SNRNP70: variants seen among roughly 807,000 people sequenced by gnomAD.
SNRNP70 encodes U1 small nuclear ribonucleoprotein 70 kDa.
Under a neutral mutation model 50.5 loss-of-function variants are expected in SNRNP70, and 8 were observed. The observed-to-expected ratio is 0.16, with a 90% confidence interval of 0.09 to 0.29. SNRNP70 has a LOEUF of 0.29. SNRNP70 is among the 10% of genes least tolerant of loss of function. The probability of loss-of-function intolerance (pLI) is 1.00; values close to 1 mark genes in which losing one functional copy is unlikely to be tolerated. For missense variants in SNRNP70, 529 were observed against 663.5 expected, an observed-to-expected ratio of 0.80 and a Z score of 2.23; for synonymous variants, 320 against 252.9, an observed-to-expected ratio of 1.27 and a Z score of -2.52.
In SNRNP70 at chr19:49,104,802, C is replaced by T; in HGVS notation, c.577+67C>T. On this transcript the variant is annotated intron_variant, in intron 8 of 9. Transcript: ENST00000598441. The surrounding 1 kb of genome is among the most constrained non-coding windows in gnomAD (Gnocchi z 5.4). ...GCCTGGTGGCCTTGTTCTCCCTTCT[C>T]TGCTGCTTTCTGCTTCTCTGTCTCC... The T allele has an allele frequency of 1.1e-6, 1 of 924,274 alleles. No homozygotes were observed. Among genetic ancestry groups the T allele is most frequent in the Non-Finnish European group, 1.6e-6 (1 of 627,794 alleles). 57.3% of individuals were successfully genotyped at this position (924,274 alleles called of 1,614,324 possible).
chr19:49,107,988 G>T lies in SNRNP70; in HGVS notation c.859G>T (p.Asp287Tyr). Residue 287 changes from aspartate (D) to tyrosine (Y), a missense_variant, in exon 10 of 10, where the codon GAC (aspartate) becomes TAC (tyrosine). Physicochemically the swap from Asp to Tyr is radical, Grantham distance 160 (BLOSUM62 -3). Transcript: ENST00000598441. The surrounding 1 kb of genome is among the most constrained non-coding windows in gnomAD (Gnocchi z 6.0). ...GGAGCGGAGCAAGGACAAGGACCGGGACCGGAAGCGGCGAAGCAGCCGGAG... is the reference window on the plus strand; with the variant it reads ...GGAGCGGAGCAAGGACAAGGACCGGTACCGGAAGCGGCGAAGCAGCCGGAG... Reference protein sequence around the residue: ...SRERSKDKDRDRKRRSSRSRE... With the variant: ...SRERSKDKDRYRKRRSSRSRE... 1.3e-6 allele frequency: 2 copies of T among 1,547,966 alleles called. No homozygotes were observed. Among genetic ancestry groups the T allele is most frequent in the East Asian group, 2.4e-5 (1 of 40,932 alleles).
chr19:49,106,080 T>C (rs199695367), intron 8 of SNRNP70, among the ~76,000 whole-genome samples: 2 of 152,274 alleles, frequency 1.3e-5, no homozygotes, highest in East Asian at 3.9e-4. Flanking sequence ...CTGTCCTGCC[T>C]CCCAGCCCTG....
chr19:49,108,071 C>A lies in SNRNP70; in HGVS notation c.942C>A (p.Gly314=). 1.3e-6 allele frequency: 2 copies of A among 1,553,036 alleles called. No homozygotes were observed. Among genetic ancestry groups the A allele is most frequent in the Non-Finnish European group, 1.7e-6 (2 of 1,149,630 alleles). ...ERKEELRGGG[G]DMAEPSEAGD... is the part of the protein sequence containing the mutation. ...AGGAGGAGCTGCGTGGCGGCGGTGG[C>A]GACATGGCGGAGCCCTCCGAGGCGG... The change falls in exon 10 of 10, where the codon GGC becomes GGA. Residue 314 remains glycine (G), a synonymous_variant. Coordinates refer to ENST00000598441, the MANE Select transcript of SNRNP70 (RefSeq NM_003089.6).
intron 4 of SNRNP70, among the ~76,000 whole-genome samples, chr19:49,091,372 T>TA (rs112471768): frequency 0.011 from 1,550 of 144,176 alleles, 22 homozygotes; most frequent in African/African-American, 0.036. Flanking sequence ...AAATCTGTCT[T>TA]AAAAAAAAAA....
At chr19:49,102,529 C>T (rs1029372117) in intron 7 of SNRNP70, 6 of 209,176 alleles carry the variant, frequency 2.9e-5, no homozygotes, top group Non-Finnish European at 5.1e-5. Context: ...CACTGGAGCC[C>T]TTCAGCCTTC....
chr19:49,089,570 C>G (rs1421295937), intron 2 of SNRNP70, among the ~76,000 whole-genome samples: 2 of 151,254 alleles, frequency 1.3e-5, no homozygotes, highest in Admixed American at 6.6e-5. Context: ...TTCCTGAACA[C>G]TTAGTCCTGG....
At chr19:49,091,329 G>A (rs867939344) in intron 4 of SNRNP70, among the ~76,000 whole-genome samples, 3 of 151,172 alleles carry the variant, frequency 2.0e-5, no homozygotes, top group African/African-American at 4.9e-5. Flanking sequence ...GGATCGCGTC[G>A]GCTCACTGCA....
In SNRNP70 at chr19:49,108,031, G is replaced by GGGAGCGGGAGCGCAA; in HGVS notation, c.907_921dup (p.Arg303_Glu307dup). 6.5e-7 allele frequency: 1 copy of GGGAGCGGGAGCGCAA among 1,548,146 alleles called. No individual in the cohort carries two copies. Among genetic ancestry groups the GGGAGCGGGAGCGCAA allele is most frequent in the Non-Finnish European group, 8.7e-7 (1 of 1,146,626 alleles). Reference sequence around the variant, plus strand: ...AGCCGGAGTCGGGAGCGGGCCCGGCGGGAGCGGGAGCGCAAGGAGGAGCTG... The same window carrying GGGAGCGGGAGCGCAA: ...AGCCGGAGTCGGGAGCGGGCCCGGCGGGAGCGGGAGCGCAAGGAGCGGGAGCGCAAGGAGGAGCTG... On this transcript the variant is annotated inframe_insertion, in exon 10 of 10. Transcript: ENST00000598441.
In SNRNP70 at chr19:49,107,165, C is replaced by T. The variant is rs112691504; in HGVS notation, c.578-460C>T. On this transcript the variant is annotated intron_variant, in intron 8 of 9. Transcript: ENST00000598441. The surrounding 1 kb of genome is among the most constrained non-coding windows in gnomAD (Gnocchi z 6.0). ...GCCTGGGACACGCAGCCAAGAGCCG[C>T]GGCTCAGACGCTAGCAGGGCCCGCT... Among the ~76,000 whole-genome samples the T allele has an allele frequency of 3.9e-5, 6 of 152,220 alleles. No homozygotes were observed. The highest frequency in any genetic ancestry group is 9.6e-5 in the African/African-American group (4 of 41,466).
chr19:49,092,522 C>T (rs1227672385), intron 4 of SNRNP70, among the ~76,000 whole-genome samples: 1 of 152,082 alleles, frequency 6.6e-6, no homozygotes, highest in East Asian at 1.9e-4. Flanking sequence ...GATTCTCCTG[C>T]CTCAGCCTTC....
rs562609186 is a variant in SNRNP70, at chr19:49,093,177, C to A, written c.265+2657C>A. 6.6e-5 allele frequency among the ~76,000 whole-genome samples: 10 copies of A among 152,146 alleles called. No individual in the cohort carries two copies. The South Asian group carries it at 1.9e-3, about 28-fold the overall frequency. ...GTGGTACGATCTAGGGTCACTGCAA[C>A]CTCTGCCTCCCCGGTTCAAGCGATT... On this transcript the variant is annotated intron_variant, in intron 4 of 9. Transcript: ENST00000598441.
intron 4 of SNRNP70, among the ~76,000 whole-genome samples, chr19:49,091,718 C>T (rs2040449619): frequency 6.6e-6 from 1 of 152,250 alleles, no homozygotes; most frequent in South Asian, 2.1e-4. Flanking sequence ...ACGGTGCTTA[C>T]GCAGAAGCGT....
At chr19:49,103,286 T>A (rs2040614765) in intron 7 of SNRNP70, 2 of 152,450 alleles carry the variant, frequency 1.3e-5, no homozygotes, top group African/African-American at 4.8e-5. Flanking sequence ...TCCCCCACTC[T>A]AAGGCCTCCT....
chr19:49,087,712 A>G (rs1317267586), intron 2 of SNRNP70: 1 of 152,250 alleles, frequency 6.6e-6, no homozygotes, highest in Non-Finnish European at 1.5e-5. Flanking sequence ...ACGTTCTAGC[A>G]TTGGGTAGGT....
Position 49,104,544 on chromosome 19 carries a change from C to G in SNRNP70, c.476-90C>G, listed in dbSNP as rs775242783. 1 of 968,258 alleles carries G rather than the reference C, an allele frequency of 1.0e-6. No individual in the cohort carries two copies. Among genetic ancestry groups the G allele is most frequent in the Non-Finnish European group, 1.6e-6 (1 of 623,346 alleles). 60.0% of individuals were successfully genotyped at this position (968,258 alleles called of 1,614,324 possible). ...GTGCGTGTGCGTGATGATGGGGACA[C>G]GGGGCGGGGATTCTGTAGAGCTGGG... On this transcript the variant is annotated intron_variant, in intron 7 of 9. Coordinates refer to ENST00000598441, the MANE Select transcript of SNRNP70 (RefSeq NM_003089.6). The surrounding 1 kb of genome is among the most constrained non-coding windows in gnomAD (Gnocchi z 5.4).
chr19:49,090,261 C>T, intron 2 of SNRNP70, 30 bp from the exon 3 acceptor site: 1 of 1,606,584 alleles, frequency 6.2e-7, no homozygotes, highest in Non-Finnish European at 8.5e-7. Context: ...CCAGTCCTTC[C>T]CACCCTGTCA....
intron 4 of SNRNP70, among the ~76,000 whole-genome samples, chr19:49,091,829 G>A (rs1463502740): frequency 6.6e-6 from 1 of 152,158 alleles, no homozygotes; most frequent in Admixed American, 6.6e-5. Context: ...CCAAACCACA[G>A]GGGTTTTCCC....
At chr19:49,102,175 T>C in intron 7 of SNRNP70, 2 of 1,289,374 alleles carry the variant, frequency 1.6e-6, no homozygotes, top group Non-Finnish European at 2.0e-6. Context: ...CAGTGTATGG[T>C]TGGTATAAGG....
chr19:49,086,313 C>T (rs1052914286), intron 1 of SNRNP70, 92 bp from the exon 2 acceptor site: 17 of 1,401,802 alleles, frequency 1.2e-5, no homozygotes, highest in Non-Finnish European at 1.6e-5. Flanking sequence ...AGACTTTTCT[C>T]CTGTCTTTCT....
Sources: allele counts gnomAD v4.1 joint callset (sites outside exome capture counted in the v4.1 genomes callset), GRCh38; gene constraint gnomAD v4.1.1; non-coding constraint Gnocchi (gnomAD v3.1); transcripts MANE v1.5; gene names NCBI Gene and HGNC (gene_info 2026-07-23, HGNC 2026-07-21).